The following GNA14 variants were observed in gnomAD, a reference collection of about 807,000 sequenced individuals.
The protein encoded by GNA14 is G protein subunit alpha 14.
In GNA14, 50 loss-of-function variants were observed where a neutral mutation model predicts 42.0. The observed-to-expected ratio is 1.19, with a 90% CI of 0.95 to 1.51. The LOEUF (loss-of-function observed/expected upper bound fraction) is 1.51, where lower values mean the gene tolerates loss of function less well. Ranked by LOEUF, GNA14 falls within the 40% of genes most tolerant of loss-of-function variation. The probability of loss-of-function intolerance (pLI) is 0.00; values close to 1 mark genes in which losing one functional copy is unlikely to be tolerated. For missense variants in GNA14, 473 were observed against 446.2 expected (o/e 1.06, Z -0.54); for synonymous variants, 173 against 163.1 (o/e 1.06, Z -0.46).
intron 2 of GNA14, among the ~76,000 whole-genome samples, chr9:77,513,278 A>G (rs553147926): frequency 6.6e-6 from 1 of 152,376 alleles, no homozygotes; most frequent in Admixed American, 6.5e-5. Flanking sequence ...AACAATAGTT[A>G]GCAGCTCTGC....
intron 1 of GNA14, among the ~76,000 whole-genome samples, chr9:77,556,477 G>A (rs1284281940): frequency 6.6e-6 from 1 of 152,102 alleles, no homozygotes; most frequent in East Asian, 1.9e-4. Flanking sequence ...TGGATCAAAT[G>A]TTTTAGAAAG....
chr9:77,590,738 T>C (rs1441313133), intron 1 of GNA14, among the ~76,000 whole-genome samples: 1 of 151,152 alleles, frequency 6.6e-6, no homozygotes, highest in African/African-American at 2.4e-5. Context: ...TATGACAAAG[T>C]TATTAGGAAG....
At chr9:77,559,169 A>C (rs1822841037) in intron 1 of GNA14, among the ~76,000 whole-genome samples, 1 of 152,288 alleles carries the variant, frequency 6.6e-6, no homozygotes, top group South Asian at 2.1e-4. Flanking sequence ...ATTACTATTA[A>C]GAAATGCCTC....
At chr9:77,494,106 A>T (rs1054618229) in intron 2 of GNA14, among the ~76,000 whole-genome samples, 1 of 151,986 alleles carries the variant, frequency 6.6e-6, no homozygotes, top group Non-Finnish European at 1.5e-5. Context: ...AATCTTTAGT[A>T]GAGACGGGGT....
At chr9:77,558,089 A>T (rs1041651633) in intron 1 of GNA14, among the ~76,000 whole-genome samples, 8 of 152,190 alleles carry the variant, frequency 5.3e-5, no homozygotes, top group East Asian at 1.9e-4. Context: ...AAACATATTT[A>T]AAAAATAATT....
In GNA14 at chr9:77,648,186, G is replaced by T. The variant is rs1457001605; in HGVS notation, c.-393C>A. 8 of 294,046 alleles carry T rather than the reference G, an allele frequency of 2.7e-5. No individual in the cohort carries two copies. The highest frequency in any genetic ancestry group is 5.1e-5 in the Non-Finnish European group (8 of 156,024). 18.2% of individuals were successfully genotyped at this position (294,046 alleles called of 1,614,324 possible). ...AGTTGGAACGTCGGTGCTCGGGGGA[G>T]AGTAGGATCTCCTGGGCCTAGGGGT... On this transcript the variant is annotated 5_prime_UTR_variant, in exon 1 of 7. Coordinates refer to ENST00000341700, the MANE Select transcript of GNA14 (RefSeq NM_004297.4).
chr9:77,519,335 T>C (rs992434599), intron 2 of GNA14, among the ~76,000 whole-genome samples: 1 of 151,774 alleles, frequency 6.6e-6, no homozygotes, highest in African/African-American at 2.4e-5. Context: ...CACTTGAACC[T>C]GGGAGGTGGA....
Position 77,454,542 on chromosome 9 carries a change from A to G in GNA14, c.310-20020T>C, listed in dbSNP as rs182670021. 5.8e-4 allele frequency among the ~76,000 whole-genome samples: 87 copies of G among 150,690 alleles called. 3 individuals carry two copies. Among genetic ancestry groups the G allele is most frequent in the Non-Finnish European group, 1.9e-4 (13 of 67,904 alleles). ...TGGGGACGGGGAAAAGGAACAGATG[A>G]AATTCTTTTATTTTGGTGGCAACTG... is the stretch of plus-strand genomic sequence containing the variant. On this transcript the variant is annotated intron_variant, in intron 2 of 6. Transcript: ENST00000341700.
intron 1 of GNA14, among the ~76,000 whole-genome samples, chr9:77,647,130 G>C (rs1042217900): frequency 2.0e-5 from 3 of 152,192 alleles, no homozygotes; most frequent in African/African-American, 7.2e-5. Context: ...TCTCAATCAG[G>C]GCAAGTTGGT....
intron 2 of GNA14, among the ~76,000 whole-genome samples, chr9:77,514,851 G>T (rs1837226400): frequency 6.6e-6 from 1 of 152,136 alleles, no homozygotes. Context: ...CTGTCCTTGT[G>T]ATCCGCCCAC....
At chr9:77,432,624 G>A (rs1835575878) in intron 3 of GNA14, among the ~76,000 whole-genome samples, 1 of 152,188 alleles carries the variant, frequency 6.6e-6, no homozygotes, top group African/African-American at 2.4e-5. Flanking sequence ...AGTGCCTTGA[G>A]TCCTGCCGGT....
chr9:77,483,023 G>A lies in GNA14; in HGVS notation c.309+46046C>T, dbSNP rs812758. On this transcript the variant is annotated intron_variant, in intron 2 of 6. Coordinates refer to ENST00000341700, the MANE Select transcript of GNA14 (RefSeq NM_004297.4). The stretch of plus-strand genomic sequence containing the variant: ...GAATTTCCTTCTGTAGCTCAGAGTA[G>A]TTTGATCGTCTGAAGCCTTCTTCTC... Among the ~76,000 whole-genome samples, 4 of 152,236 alleles carry A rather than the reference G, an allele frequency of 2.6e-5. No homozygotes were observed. In the South Asian group the frequency reaches 8.3e-4, roughly 32 times the overall value.
chr9:77,517,255 G>C (rs1439766815), intron 2 of GNA14, among the ~76,000 whole-genome samples: 2 of 152,146 alleles, frequency 1.3e-5, no homozygotes, highest in Non-Finnish European at 2.9e-5. Context: ...AGGAGTGCAG[G>C]AGATGCGGAT....
At chr9:77,447,235 T>C (rs1048345870) in intron 2 of GNA14, among the ~76,000 whole-genome samples, 3 of 152,296 alleles carry the variant, frequency 2.0e-5, no homozygotes, top group East Asian at 1.9e-4. Context: ...TGAGCCACCA[T>C]GCCCAGCCTC....
chr9:77,437,117 G>A (rs374208694), intron 2 of GNA14, among the ~76,000 whole-genome samples: 6 of 152,160 alleles, frequency 3.9e-5, no homozygotes, highest in Non-Finnish European at 5.9e-5. Flanking sequence ...TCAGGTTAAC[G>A]GCTGAGCTTT....
intron 2 of GNA14, among the ~76,000 whole-genome samples, chr9:77,461,153 C>A (rs897790380): frequency 1.3e-5 from 2 of 152,158 alleles, no homozygotes; most frequent in African/African-American, 2.4e-5. Flanking sequence ...CAGGCCCCCG[C>A]GGAGGGCTGC....
chr9:77,586,386 A>C (rs751517634), intron 1 of GNA14, among the ~76,000 whole-genome samples: 28 of 152,224 alleles, frequency 1.8e-4, no homozygotes, highest in Non-Finnish European at 2.9e-4. Context: ...CAACAAGCAT[A>C]TGAAAAAATG....
intron 2 of GNA14, among the ~76,000 whole-genome samples, chr9:77,506,427 C>T (rs962938880): frequency 6.6e-6 from 1 of 151,910 alleles, no homozygotes; most frequent in Non-Finnish European, 1.5e-5. Flanking sequence ...GCCTGTAATC[C>T]CAGCACTTTG....
intron 4 of GNA14, among the ~76,000 whole-genome samples, chr9:77,431,024 TTGTGTGTGTGTGTGTGTGTG>T (rs10631280): frequency 9.9e-6 from 1 of 101,466 alleles, no homozygotes; most frequent in African/African-American, 4.1e-5. Context: ...AAGTATACAT[TTGTGTGTGTGTGTGTGTGTG>T]TGTGTGTGTG....
Sources: gnomAD v4.1 joint callset for allele counts (sites outside exome capture counted in the v4.1 genomes callset) on GRCh38, gnomAD v4.1.1 for gene constraint, MANE v1.5 for transcripts, NCBI Gene and HGNC (gene_info 2026-07-23, HGNC 2026-07-21) for gene names.